Variants in LYPLAL1 observed in about 807,000 individuals in gnomAD.
The protein encoded by LYPLAL1 is lysophospholipase-like protein 1.
A neutral mutation model predicts 19.7 loss-of-function variants in LYPLAL1; 23 were observed. The observed-to-expected ratio is 1.17, with a 90% CI of 0.84 to 1.65. The LOEUF (loss-of-function observed/expected upper bound fraction) is 1.65, where lower values mean the gene tolerates loss of function less well. Ranked by LOEUF, LYPLAL1 falls within the 40% of genes most tolerant of loss-of-function variation. The probability of loss-of-function intolerance (pLI) is 0.00; values close to 1 mark genes in which losing one functional copy is unlikely to be tolerated. For synonymous variants in LYPLAL1, 119 were observed against 96.3 expected (o/e 1.24, Z -1.38); for missense variants, 355 against 279.4 (o/e 1.27, Z -1.93).
the LYPLAL1 span, among the ~76,000 whole-genome samples, chr1:219,324,933 A>T: frequency 6.6e-6 from 1 of 152,162 alleles, no homozygotes; most frequent in African/African-American, 2.4e-5. Flanking sequence ...AGGTGTTTTC[A>T]AGCTGACATG....
At chr1:219,364,970 A>G in the LYPLAL1 span, among the ~76,000 whole-genome samples, 10,304 of 152,156 alleles carry the variant, frequency 0.068, 496 homozygotes, top group South Asian at 0.14. Context: ...TAAACGACCT[A>G]TTTGGATTCT....
intron 2 of LYPLAL1, among the ~76,000 whole-genome samples, chr1:219,190,165 C>G (rs983676956): frequency 2.6e-5 from 4 of 151,376 alleles, no homozygotes; most frequent in African/African-American, 9.7e-5. Flanking sequence ...GTTCCCCCGC[C>G]CACTGCATGT....
At chr1:219,193,392 G>A in intron 3 of LYPLAL1, 141 bp downstream of exon 3, 1 of 494,424 alleles carries the variant, frequency 2.0e-6, no homozygotes, top group Non-Finnish European at 3.3e-6. Flanking sequence ...TACATATTGA[G>A]GATTTCAAAG....
At chr1:219,340,042 A>G in the LYPLAL1 span, among the ~76,000 whole-genome samples, 1 of 152,086 alleles carries the variant, frequency 6.6e-6, no homozygotes, top group Non-Finnish European at 1.5e-5. Context: ...TATGCATGGA[A>G]AACCTAACCC....
the LYPLAL1 span, among the ~76,000 whole-genome samples, chr1:219,368,108 C>T: frequency 6.6e-6 from 1 of 152,136 alleles, no homozygotes; most frequent in East Asian, 1.9e-4. Context: ...AAATCTATCT[C>T]ATTTGTCTTT....
the LYPLAL1 span, among the ~76,000 whole-genome samples, chr1:219,410,857 G>A: frequency 6.6e-6 from 1 of 152,364 alleles, no homozygotes; most frequent in East Asian, 1.9e-4. Flanking sequence ...CGCTGCGCTC[G>A]ATTTCTCGCC....
the LYPLAL1 span, among the ~76,000 whole-genome samples, chr1:219,444,656 G>C: frequency 6.6e-6 from 1 of 152,184 alleles, no homozygotes; most frequent in Non-Finnish European, 1.5e-5. Flanking sequence ...AAGTCATTGT[G>C]CTTACGGACG....
chr1:219,230,129 T>C, the LYPLAL1 span, among the ~76,000 whole-genome samples: 2 of 152,234 alleles, frequency 1.3e-5, no homozygotes, highest in African/African-American at 4.8e-5. Flanking sequence ...TATCTTTTTT[T>C]TGAAACAGAG....
the LYPLAL1 span, among the ~76,000 whole-genome samples, chr1:219,332,295 C>A: frequency 2.6e-5 from 4 of 152,086 alleles, no homozygotes; most frequent in Non-Finnish European, 5.9e-5. Context: ...ACCCCAGACA[C>A]GTAACACTAG....
At position 219,211,671 on chromosome 1, in the gene LYPLAL1, C is replaced by T; in HGVS notation, c.657C>T (p.Asp219=). ...ATGAGCTAAGCAAAACTGAGTTAGA[C>T]ATATTGAAGTTATGGATTCTTACAA... The part of the protein sequence containing the change: ...VYHELSKTEL[D]ILKLWILTKL... Residue 219 remains aspartate (D), a synonymous_variant, in exon 5 of 5, where the codon GAC becomes GAT. Coordinates refer to ENST00000366928, the MANE Select transcript of LYPLAL1 (RefSeq NM_138794.5). 6.2e-7 allele frequency: 1 copy of T among 1,612,876 alleles called. No individual in the cohort carries two copies. The highest frequency in any genetic ancestry group is 8.5e-7 in the Non-Finnish European group (1 of 1,179,384).
At chr1:219,174,772 T>C (rs890676975) in intron 1 of LYPLAL1, among the ~76,000 whole-genome samples, 1 of 152,172 alleles carries the variant, frequency 6.6e-6, no homozygotes, top group East Asian at 1.9e-4. Flanking sequence ...TGGCCCAGGG[T>C]AAGCTCTCAG....
chr1:219,235,090 C>T, the LYPLAL1 span, among the ~76,000 whole-genome samples: 1 of 152,086 alleles, frequency 6.6e-6, no homozygotes. Flanking sequence ...TTATAATTCA[C>T]TTTGACCAAG....
the LYPLAL1 span, among the ~76,000 whole-genome samples, chr1:219,361,292 A>G: frequency 1.3e-5 from 2 of 152,140 alleles, no homozygotes; most frequent in African/African-American, 2.4e-5. Flanking sequence ...TGGGGAATGG[A>G]CTAGTTGATT....
the LYPLAL1 span, among the ~76,000 whole-genome samples, chr1:219,252,476 A>G: frequency 6.6e-6 from 1 of 152,022 alleles, no homozygotes; most frequent in South Asian, 2.1e-4. Flanking sequence ...GTTTATTGAG[A>G]GTTTATAACA....
At chr1:219,376,474 A>G in the LYPLAL1 span, among the ~76,000 whole-genome samples, 1 of 152,198 alleles carries the variant, frequency 6.6e-6, no homozygotes, top group Non-Finnish European at 1.5e-5. Flanking sequence ...AAAATTGGCA[A>G]TTGAATTACT....
chr1:219,439,998 T>TAC, the LYPLAL1 span, among the ~76,000 whole-genome samples: 6 of 73,716 alleles, frequency 8.1e-5, no homozygotes, highest in African/African-American at 2.5e-4. Flanking sequence ...TATACACACA[T>TAC]ATATATATAT....
intron 3 of LYPLAL1, among the ~76,000 whole-genome samples, chr1:219,200,809 A>G (rs1215763942): frequency 6.6e-6 from 1 of 152,212 alleles, no homozygotes; most frequent in African/African-American, 2.4e-5. Context: ...GTGAAGAGAT[A>G]TATATGGCAA....
At chr1:219,258,290 A>G in the LYPLAL1 span, among the ~76,000 whole-genome samples, 1 of 152,086 alleles carries the variant, frequency 6.6e-6, no homozygotes, top group Non-Finnish European at 1.5e-5. Context: ...CTCAGCTTAC[A>G]AAGATAACAG....
chr1:219,412,744 C>T, the LYPLAL1 span, among the ~76,000 whole-genome samples: 1 of 152,174 alleles, frequency 6.6e-6, no homozygotes, highest in Non-Finnish European at 1.5e-5. Flanking sequence ...TGAGAAGTGT[C>T]CTTTGGGAGC....
Sources: gnomAD v4.1 joint callset for allele counts (sites outside exome capture counted in the v4.1 genomes callset) on GRCh38, gnomAD v4.1.1 for gene constraint, MANE v1.5 for transcripts, NCBI Gene and HGNC (gene_info 2026-07-23, HGNC 2026-07-21) for gene names.